KIFC3: variants seen among roughly 807,000 people sequenced by gnomAD.
The protein encoded by KIFC3 is kinesin-like protein KIFC3.
A neutral mutation model predicts 101.8 loss-of-function variants in KIFC3; 60 were observed. The observed-to-expected ratio is 0.59, with a 90% CI of 0.48 to 0.73. The LOEUF is 0.73. KIFC3 is among the 30% of genes least tolerant of loss of function. The probability of loss-of-function intolerance (pLI) is 0.00; values close to 1 mark genes in which losing one functional copy is unlikely to be tolerated. For missense variants in KIFC3, 966 were observed against 1,137.1 expected (o/e 0.85, Z 2.16); for synonymous variants, 476 against 482.7 (o/e 0.99, Z 0.18).
chr16:57,823,964 C>G (rs782023741), intron 1 of KIFC3, among the ~76,000 whole-genome samples: 1 of 151,890 alleles, frequency 6.6e-6, no homozygotes, highest in Non-Finnish European at 1.5e-5. Context: ...AGAAAAATTG[C>G]GAGAATAAAG....
At chr16:57,797,385 G>C (rs555062965) in intron 2 of KIFC3, among the ~76,000 whole-genome samples, 7 of 152,306 alleles carry the variant, frequency 4.6e-5, no homozygotes, top group African/African-American at 1.7e-4. Flanking sequence ...ACAGCTCCGC[G>C]GCCCCGCCAA....
intron 16 of KIFC3, 91 bp downstream of exon 16, chr16:57,760,635 G>A (rs772772983): frequency 2.4e-5 from 30 of 1,230,374 alleles, no homozygotes; most frequent in Non-Finnish European, 2.6e-5. Context: ...GGGCGGGGAG[G>A]TCCATTTGCA....
At chr16:57,759,006 A>G in intron 19 of KIFC3, 97 bp from the exon 20 acceptor site, 3 of 1,537,000 alleles carry the variant, frequency 2.0e-6, no homozygotes, top group Non-Finnish European at 2.6e-6. Context: ...GCAAAAGCAC[A>G]TAGACAAGCG....
chr16:57,781,563 G>C (rs1358871796), intron 3 of KIFC3, among the ~76,000 whole-genome samples: 1 of 150,910 alleles, frequency 6.6e-6, no homozygotes, highest in African/African-American at 2.5e-5. Context: ...AAGGACTATG[G>C]GCCATTGGCC....
intron 5 of KIFC3, 33 bp from the exon 6 acceptor site, chr16:57,771,470 A>T: frequency 6.2e-7 from 1 of 1,612,752 alleles, no homozygotes; most frequent in Non-Finnish European, 8.5e-7. Flanking sequence ...GATGAGTGCA[A>T]GGGACAGGCT....
Position 57,777,542 on chromosome 16 carries a change from G to A in KIFC3, c.316-5254C>T, listed in dbSNP as rs549994908. On this transcript the variant is annotated intron_variant, in intron 3 of 19. Coordinates refer to ENST00000445690, the MANE Select transcript of KIFC3 (RefSeq NM_001130100.2). ...TTGAGGCCACCCTGGCCAACGTGAC[G>A]AAACCCCATCTCTACTAAAAATACA... Among the ~76,000 whole-genome samples the A allele has an allele frequency of 3.9e-5, 6 of 152,236 alleles. No individual in the cohort carries two copies. The South Asian group carries it at 6.2e-4, about 16-fold the overall frequency.
intron 1 of KIFC3, among the ~76,000 whole-genome samples, chr16:57,819,721 C>T (rs955190077): frequency 3.3e-5 from 5 of 151,888 alleles, no homozygotes; most frequent in South Asian, 2.1e-4. Context: ...CCACTGCACC[C>T]GGCAAATTTT....
At chr16:57,830,340 C>A (rs907604721) in intron 1 of KIFC3, among the ~76,000 whole-genome samples, 1 of 150,574 alleles carries the variant, frequency 6.6e-6, no homozygotes, top group African/African-American at 2.4e-5. Context: ...CGGGTTCCAG[C>A]AATTCTCCTG....
intron 1 of KIFC3, among the ~76,000 whole-genome samples, chr16:57,825,220 G>T (rs981724275): frequency 1.3e-5 from 2 of 152,196 alleles, no homozygotes; most frequent in Admixed American, 1.3e-4. Flanking sequence ...ACACCTAAGT[G>T]AGGTGGAGGA....
intron 3 of KIFC3, chr16:57,779,309 T>G (rs1555613285): frequency 6.6e-6 from 1 of 152,246 alleles, no homozygotes; most frequent in Non-Finnish European, 1.5e-5. Context: ...GACATTATAC[T>G]AAGTGAAATA....
chr16:57,776,217 A>C (rs1467988195), intron 3 of KIFC3: 2 of 985,422 alleles, frequency 2.0e-6, no homozygotes, highest in African/African-American at 1.7e-5. Context: ...TGGGAAGGCC[A>C]GAGGGTCTGG....
intron 1 of KIFC3, among the ~76,000 whole-genome samples, chr16:57,836,917 C>T (rs180847931): frequency 6.6e-6 from 1 of 152,132 alleles, no homozygotes; most frequent in African/African-American, 2.4e-5. Flanking sequence ...TGGTCTCAAA[C>T]TCCTGGTATA....
Position 57,798,119 on chromosome 16 carries a change from G to T in KIFC3, c.125C>A (p.Pro42Gln), listed in dbSNP as rs782660026. ...GGTGTGTGGGAAAGGGCGGGCGGCC[G>T]GGCTGGCTGGGGCTGGGGCGGGGCG... ...MARPAPAPAS[P>Q]AARPFPHTGP... The change falls in exon 2 of 20, where the codon CCG becomes CAG. Residue 42 changes from proline (P) to glutamine (Q), a missense_variant. Transcript: ENST00000445690. 23 of 1,567,894 alleles carry T rather than the reference G, an allele frequency of 1.5e-5. No homozygotes were observed. The Admixed American group carries it at 4.3e-4, about 29-fold the overall frequency.
At chr16:57,803,445 C>G (rs565712525), upstream of KIFC3, 514 of 478,964 alleles carry the variant, frequency 1.1e-3, 3 homozygotes, top group South Asian at 7.1e-3. Context: ...TGCAGGCTGA[C>G]GGTTCTGCAG....
chr16:57,782,246 G>A, intron 3 of KIFC3: 3 of 679,052 alleles, frequency 4.4e-6, no homozygotes, highest in Non-Finnish European at 5.5e-6. Flanking sequence ...CCAGTTTAGA[G>A]ACTGGGAAGT....
intron 3 of KIFC3, among the ~76,000 whole-genome samples, chr16:57,772,721 G>A (rs782050348): frequency 1.3e-5 from 2 of 152,124 alleles, no homozygotes; most frequent in African/African-American, 2.4e-5. Flanking sequence ...CAGGTCCTCC[G>A]AGCCCTAGAT....
rs782499313 is a variant in KIFC3, at chr16:57,761,054, G to C, written c.1990C>G (p.Leu664Val). 8 of 1,611,240 alleles carry C rather than the reference G, an allele frequency of 5.0e-6. No homozygotes were observed. The highest frequency in any genetic ancestry group is 6.8e-6 in the Non-Finnish European group (8 of 1,178,832). Residue 664 changes from leucine to valine, a missense_variant, in exon 15 of 20, where the codon CTC (leucine) becomes GTC (valine). Around this residue, in one of 2 missense-constraint regions of KIFC3, gnomAD observed 689 missense variants for 884.6 expected, o/e 0.78. Coordinates refer to ENST00000445690, the MANE Select transcript of KIFC3 (RefSeq NM_001130100.2). The stretch of plus-strand genomic sequence containing the variant: ...CTGCCACTCTCACCCGTGGTGCGGA[G>C]GCCTGTGCTGCAGTCCACGCCTCGC... Reference protein sequence around the residue: ...TVRGVDCSTGLRTTGKLNLVD... With the variant: ...TVRGVDCSTGVRTTGKLNLVD...
At chr16:57,759,439 T>G (rs35885527) in intron 18 of KIFC3, 5 of 583,804 alleles carry the variant, frequency 8.6e-6, no homozygotes, top group Non-Finnish European at 1.5e-5. Context: ...AGCCAGCCCA[T>G]GCTCAGAGAG....
rs781839031 is a variant in KIFC3 at position 57,798,217 on chromosome 16, G to C, written c.27C>G (p.Asn9Lys). 1.5e-5 allele frequency: 24 copies of C among 1,549,164 alleles called. No homozygotes were observed. Among genetic ancestry groups the C allele is most frequent in the Non-Finnish European group, 1.9e-5 (22 of 1,147,284 alleles). MVPSRRTW[N>K]LGATPSLRGL... ...CCCGCAGCGAGGGCGTGGCTCCCAG[G>C]TTCCACGTCCTGCGAGAGGGGACCA... Residue 9 changes from asparagine to lysine, a missense_variant, in exon 2 of 20, where the codon AAC (asparagine) becomes AAG (lysine). Physicochemically the swap from Asn to Lys is moderately conservative, Grantham distance 94. This residue lies in a region of KIFC3 where 277 missense variants were observed against 252.5 expected (regional missense o/e 1.10). Transcript: ENST00000445690.
Sources: allele counts gnomAD v4.1 joint callset (sites outside exome capture counted in the v4.1 genomes callset), GRCh38; gene constraint gnomAD v4.1.1; regional missense constraint gnomAD v4.1.1; transcripts MANE v1.5; gene names NCBI Gene and HGNC (gene_info 2026-07-23, HGNC 2026-07-21).